The following LIN52 variants were observed in gnomAD, a reference collection of about 807,000 sequenced individuals.
The protein encoded by LIN52 is lin-52 DREAM MuvB core complex component.
A neutral mutation model predicts 18.5 loss-of-function variants in LIN52; 4 were observed. The observed-to-expected ratio is 0.22, with a 90% CI of 0.11 to 0.49. LIN52 has a LOEUF of 0.49. LIN52 is among the 20% of genes least tolerant of loss of function. The pLI is 0.97. For missense variants in LIN52, 102 were observed against 139.5 expected (o/e 0.73, Z 1.35); for synonymous variants, 34 against 45.5 (o/e 0.75, Z 1.02).
intron 1 of LIN52, among the ~76,000 whole-genome samples, chr14:74,088,748 G>C (rs2060751857): frequency 6.6e-6 from 1 of 152,146 alleles, no homozygotes. Context: ...TTATTTCCCA[G>C]ATTTCCAGAG....
At chr14:74,188,134 T>C (rs1309621120) in intron 5 of LIN52, among the ~76,000 whole-genome samples, 1 of 152,198 alleles carries the variant, frequency 6.6e-6, no homozygotes, top group Non-Finnish European at 1.5e-5. Context: ...AGAGATTTTT[T>C]GTATGTGCTT....
At chr14:74,189,238 C>G (rs2061353247) in intron 5 of LIN52, among the ~76,000 whole-genome samples, 1 of 152,152 alleles carries the variant, frequency 6.6e-6, no homozygotes, top group South Asian at 2.1e-4. Context: ...GTCTGTGAAG[C>G]TACTAGCCTT....
chr14:74,128,778 C>T (rs2061042731), intron 5 of LIN52, among the ~76,000 whole-genome samples: 1 of 152,014 alleles, frequency 6.6e-6, no homozygotes, highest in Admixed American at 6.6e-5. Context: ...CTCGTCTCTA[C>T]TAAAAAGTAC....
rs1263678431 is a variant in LIN52 at position 74,084,987 on chromosome 14, A to G, written c.13A>G (p.Thr5Ala). 8 of 1,423,148 alleles carry G rather than the reference A, an allele frequency of 5.6e-6. No homozygotes were observed. The highest frequency in any genetic ancestry group is 7.4e-6 in the Non-Finnish European group (8 of 1,083,560). 88.2% of individuals were successfully genotyped at this position (1,423,148 alleles called of 1,614,324 possible). A position where few individuals can be genotyped will look rare whatever the true frequency, so the allele number is the denominator to read the frequency against. The change falls in exon 1 of 6, where the codon ACA (threonine) becomes GCA (alanine). Residue 5 changes from threonine to alanine, a missense_variant. By Grantham distance (58) the Thr-to-Ala change is moderately conservative. Coordinates refer to ENST00000555028, the MANE Select transcript of LIN52 (RefSeq NM_001024674.3). The stretch of plus-strand genomic sequence containing the variant: ...CATGGGTTGGAAGATGGCGTCTCCC[A>G]CAGACGGTAAGAGCCGGCTTAGAGA... MASP[T>A]DGTDLEASLL... is the part of the protein sequence containing the mutation.
chr14:74,132,499 A>T lies in LIN52; in HGVS notation c.283+31261A>T, dbSNP rs187448453. On this transcript the variant is annotated intron_variant, in intron 5 of 5. Coordinates refer to ENST00000555028, the MANE Select transcript of LIN52 (RefSeq NM_001024674.3). ...AGATCCATGCACTACATATGACCTAAATTTTTTTTGTTTGGTTGGTTGTTT... is the reference window on the plus strand; with the variant it reads ...AGATCCATGCACTACATATGACCTATATTTTTTTTGTTTGGTTGGTTGTTT... Among the ~76,000 whole-genome samples the T allele has an allele frequency of 1.3e-3, 204 of 152,128 alleles. 1 individual carries two copies. Among genetic ancestry groups the T allele is most frequent in the African/African-American group, 4.7e-3 (196 of 41,510 alleles).
intron 5 of LIN52, among the ~76,000 whole-genome samples, chr14:74,125,108 A>G (rs1037360555): frequency 2.0e-5 from 3 of 152,218 alleles, no homozygotes; most frequent in Non-Finnish European, 2.9e-5. Context: ...AGCATGTTTT[A>G]TAATCCTCTG....
At chr14:74,134,950 T>C (rs1239365065) in intron 5 of LIN52, among the ~76,000 whole-genome samples, 2 of 152,216 alleles carry the variant, frequency 1.3e-5, no homozygotes, top group Non-Finnish European at 2.9e-5. Context: ...TCTAAGTAGA[T>C]GGAAAAGCAA....
chr14:74,142,565 A>T (rs973367514), intron 5 of LIN52, among the ~76,000 whole-genome samples: 2 of 151,926 alleles, frequency 1.3e-5, no homozygotes, highest in Non-Finnish European at 2.9e-5. Context: ...AGTTAAATTA[A>T]TTAAAAATAA....
chr14:74,090,210 G>C (rs1182707002), intron 1 of LIN52, among the ~76,000 whole-genome samples: 1 of 151,908 alleles, frequency 6.6e-6, no homozygotes, highest in Non-Finnish European at 1.5e-5. Flanking sequence ...GTAGAGACAG[G>C]GTTTCACTAT....
chr14:74,170,419 G>T (rs1365073097), intron 5 of LIN52, among the ~76,000 whole-genome samples: 1 of 151,904 alleles, frequency 6.6e-6, no homozygotes, highest in Non-Finnish European at 1.5e-5. Flanking sequence ...ATGGGCATTT[G>T]TGTGTTTTTG....
At chr14:74,186,109 T>A (rs925901890) in intron 5 of LIN52, among the ~76,000 whole-genome samples, 5 of 152,018 alleles carry the variant, frequency 3.3e-5, no homozygotes, top group Non-Finnish European at 7.4e-5. Context: ...GCCAACATGA[T>A]GAAACCCCAT....
intron 1 of LIN52, among the ~76,000 whole-genome samples, chr14:74,088,070 G>A (rs114052766): frequency 0.019 from 2,846 of 152,082 alleles, 90 homozygotes; most frequent in African/African-American, 0.065. Flanking sequence ...ACACCACCAT[G>A]CCCAGCTAAT....
intron 5 of LIN52, among the ~76,000 whole-genome samples, chr14:74,163,987 T>TC (rs986300976): frequency 3.3e-5 from 5 of 151,416 alleles, no homozygotes; most frequent in African/African-American, 1.2e-4. Context: ...TACTGAAATT[T>TC]TTTTTTTTTT....
chr14:74,093,683 C>T (rs542727990), intron 2 of LIN52, among the ~76,000 whole-genome samples: 21 of 152,234 alleles, frequency 1.4e-4, no homozygotes, highest in East Asian at 1.4e-3. Context: ...GGTACAACTC[C>T]GGCCAGGTGT....
chr14:74,136,864 G>C (rs1595170813), intron 5 of LIN52, among the ~76,000 whole-genome samples: 2 of 152,110 alleles, frequency 1.3e-5, no homozygotes, highest in South Asian at 4.1e-4. Flanking sequence ...ACTAAAGGGA[G>C]CGTTAGAGTA....
intron 5 of LIN52, among the ~76,000 whole-genome samples, chr14:74,120,372 A>G (rs1566853590): frequency 6.6e-6 from 1 of 151,604 alleles, no homozygotes; most frequent in African/African-American, 2.4e-5. Flanking sequence ...TAATCCCAGC[A>G]CTTCGGGAGG....
chr14:74,100,322 A>C (rs990496751), intron 4 of LIN52, among the ~76,000 whole-genome samples: 2 of 151,776 alleles, frequency 1.3e-5, no homozygotes, highest in African/African-American at 4.8e-5. Flanking sequence ...TTCTTTTTTT[A>C]TTTGAGAAAA....
chr14:74,179,319 A>G, intron 5 of LIN52, among the ~76,000 whole-genome samples: 1 of 152,192 alleles, frequency 6.6e-6, no homozygotes, highest in South Asian at 2.1e-4. Context: ...TAGCCTTAAC[A>G]CTGAGTACAA....
At chr14:74,156,424 A>G (rs183902187) in intron 5 of LIN52, among the ~76,000 whole-genome samples, 5 of 152,346 alleles carry the variant, frequency 3.3e-5, no homozygotes, top group African/African-American at 1.2e-4. Flanking sequence ...AGCATGGTCA[A>G]TGGTGAGAAA....
Sources: allele counts gnomAD v4.1 joint callset (sites outside exome capture counted in the v4.1 genomes callset), GRCh38; gene constraint gnomAD v4.1.1; transcripts MANE v1.5; gene names NCBI Gene and HGNC (gene_info 2026-07-23, HGNC 2026-07-21).